PDZD2: variants seen among roughly 807,000 people sequenced by gnomAD.
The protein encoded by PDZD2 is PDZ domain-containing protein 2.
Under a neutral mutation model 220.7 loss-of-function variants are expected in PDZD2, and 90 were observed. The ratio of observed to expected loss-of-function variants is 0.41; its 90% CI spans 0.34 to 0.49. The LOEUF is 0.49. Among genes scored for constraint, PDZD2 ranks in the 20% least tolerant of loss-of-function variants. The pLI is 0.28. For missense variants in PDZD2, 3,174 were observed against 3,608.5 expected (o/e 0.88, Z 3.08); for synonymous variants, 1,375 against 1,450.5 (o/e 0.95, Z 1.18).
chr5:31,685,068 C>G (rs1281581004), intron 1 of PDZD2, among the ~76,000 whole-genome samples: 1 of 152,122 alleles, frequency 6.6e-6, no homozygotes, highest in Non-Finnish European at 1.5e-5. Flanking sequence ...TGCACCATTG[C>G]CCTCTCTGTT....
intron 6 of PDZD2, among the ~76,000 whole-genome samples, chr5:32,024,914 TA>T (rs1279133554): frequency 6.6e-6 from 1 of 152,162 alleles, no homozygotes; most frequent in Non-Finnish European, 1.5e-5. Context: ...TGTGTTCCAG[TA>T]AAACTTGACA....
intron 2 of PDZD2, among the ~76,000 whole-genome samples, chr5:31,830,518 C>G (rs1256251195): frequency 6.6e-6 from 1 of 151,730 alleles, no homozygotes; most frequent in Non-Finnish European, 1.5e-5. Flanking sequence ...TTTTAATATT[C>G]AACTTTTAAA....
At chr5:31,947,442 C>T (rs1334321749) in intron 2 of PDZD2, among the ~76,000 whole-genome samples, 1 of 152,214 alleles carries the variant, frequency 6.6e-6, no homozygotes, top group Non-Finnish European at 1.5e-5. Flanking sequence ...CCCGCCTCTT[C>T]AGTAAACCAT....
rs535926683 is a variant in PDZD2, at chr5:31,908,617, A to G, written c.477-74538A>G. The G allele has an allele frequency of 5.0e-5, 52 of 1,030,388 alleles. No homozygotes were observed. The African/African-American group carries it at 8.4e-4, about 17-fold the overall frequency. The allele number at this position is 1,030,388 out of a possible 1,614,324, so 63.8% of individuals were successfully genotyped here. Reference sequence around the variant, plus strand: ...AACTAGCTTCACCAGAGAAGCCTACAAGAAATACATCAAAGGTTACGTGAT... The same window carrying G: ...AACTAGCTTCACCAGAGAAGCCTACGAGAAATACATCAAAGGTTACGTGAT... On this transcript the variant is annotated intron_variant, in intron 2 of 24. Coordinates refer to ENST00000438447, the MANE Select transcript of PDZD2 (RefSeq NM_178140.4).
chr5:31,815,845 G>T (rs527973925), intron 2 of PDZD2, among the ~76,000 whole-genome samples: 1 of 151,974 alleles, frequency 6.6e-6, no homozygotes, highest in Admixed American at 6.6e-5. Context: ...TTTAGGTAAG[G>T]TTACAAAAAT....
chr5:32,057,995 A>G lies in PDZD2; in HGVS notation c.2092A>G (p.Ser698Gly), dbSNP rs760625164. ...SRSASPNFNT[S>G]GGASAGGSDE... ...ATCCGCCTCCCCGAACTTCAATACC[A>G]GTGGGGGAGCCTCAGCGGGAGGTTC... Residue 698 changes from serine (S) to glycine (G), a missense_variant, in exon 12 of 25, where the codon AGT (serine) becomes GGT (glycine). By Grantham distance (56) the Ser-to-Gly change is moderately conservative (BLOSUM62 0). Around this residue, in one of 4 missense-constraint regions of PDZD2, gnomAD observed 1,861 missense variants for 2,001.0 expected, o/e 0.93. Coordinates refer to ENST00000438447, the MANE Select transcript of PDZD2 (RefSeq NM_178140.4). 4.3e-6 allele frequency: 7 copies of G among 1,613,054 alleles called. No individual in the cohort carries two copies. The South Asian group carries it at 7.7e-5, about 18-fold the overall frequency.
chr5:31,783,057 A>AAAGTTGGTTTAAACTTTATTTTAGATG (rs1394744367), intron 1 of PDZD2, among the ~76,000 whole-genome samples: 2 of 152,162 alleles, frequency 1.3e-5, no homozygotes, highest in African/African-American at 4.8e-5. Context: ...ACTTTTATTT[A>AAAGTTGGTTTAAACTTTATTTTAGATG]AAGTTGGTTT....
chr5:32,089,941 G>T lies in PDZD2; in HGVS notation c.6493G>T (p.Ala2165Ser). 5 of 1,608,926 alleles carry T rather than the reference G, an allele frequency of 3.1e-6. No individual in the cohort carries two copies. Among genetic ancestry groups the T allele is most frequent in the Non-Finnish European group, 4.2e-6 (5 of 1,177,460 alleles). Reference sequence around the variant, plus strand: ...GGAAATGTCACGATCATTCAGCATGGCAAAACTGGCGTCCTCCTCCTCCTC... The same window carrying T: ...GGAAATGTCACGATCATTCAGCATGTCAAAACTGGCGTCCTCCTCCTCCTC... ...EQEMSRSFSM[A>S]KLASSSSSLQ... The change falls in exon 20 of 25, where the codon GCA (alanine) becomes TCA (serine). Residue 2165 changes from alanine to serine, a missense_variant. Coordinates refer to ENST00000438447, the MANE Select transcript of PDZD2 (RefSeq NM_178140.4).
At chr5:31,752,380 C>G (rs2150178872) in intron 1 of PDZD2, among the ~76,000 whole-genome samples, 1 of 152,126 alleles carries the variant, frequency 6.6e-6, no homozygotes. Context: ...GAAATCCCAT[C>G]TCTACTAAAA....
chr5:31,775,124 A>G (rs1020453599), intron 1 of PDZD2, among the ~76,000 whole-genome samples: 1 of 152,210 alleles, frequency 6.6e-6, no homozygotes, highest in Non-Finnish European at 1.5e-5. Context: ...CTCACGCTAT[A>G]GTACAAACGT....
In PDZD2 at chr5:32,083,050, T is replaced by C. The variant is rs928928307; in HGVS notation, c.3683-4081T>C. 6.6e-6 allele frequency among the ~76,000 whole-genome samples: 1 copy of C among 152,164 alleles called. No homozygotes were observed. Among genetic ancestry groups the C allele is most frequent in the Non-Finnish European group, 1.5e-5 (1 of 68,018 alleles). The stretch of plus-strand genomic sequence containing the variant: ...TTCTAGAAACTTAAGAAATTACAAT[T>C]GAGAGGGAAGTTTTGAAAGATAGCA... On this transcript the variant is annotated intron_variant, in intron 19 of 24. Coordinates refer to ENST00000438447, the MANE Select transcript of PDZD2 (RefSeq NM_178140.4). This position sits in a 1 kb window ranked among gnomAD's most constrained non-coding sequence, Gnocchi z 4.1.
intron 1 of PDZD2, among the ~76,000 whole-genome samples, chr5:31,657,868 T>G (rs1329156795): frequency 6.6e-6 from 1 of 152,168 alleles, no homozygotes; most frequent in Non-Finnish European, 1.5e-5. Context: ...GTAGAAGAGA[T>G]GTACAGGAAA....
intron 5 of PDZD2, among the ~76,000 whole-genome samples, chr5:32,002,725 A>AAC (rs1363958553): frequency 1.0e-5 from 1 of 97,686 alleles, no homozygotes. Context: ...CCCACACACC[A>AAC]ACACACACAC....
chr5:31,879,082 G>T (rs572639505), intron 2 of PDZD2, among the ~76,000 whole-genome samples: 217 of 151,852 alleles, frequency 1.4e-3, no homozygotes, highest in Non-Finnish European at 2.2e-3. Context: ...TGCTTAAATG[G>T]ATGTTAAGAA....
chr5:31,878,261 G>A (rs552063692), intron 2 of PDZD2, among the ~76,000 whole-genome samples: 5 of 152,134 alleles, frequency 3.3e-5, no homozygotes, highest in Non-Finnish European at 7.3e-5. Context: ...TCATCCACTG[G>A]AGATGCCCTC....
At chr5:31,996,342 C>T (rs1751632489) in intron 4 of PDZD2, among the ~76,000 whole-genome samples, 2 of 152,170 alleles carry the variant, frequency 1.3e-5, no homozygotes, top group Non-Finnish European at 2.9e-5. Flanking sequence ...CTTTGGGAGG[C>T]CAAAGCAGGA....
intron 2 of PDZD2, among the ~76,000 whole-genome samples, chr5:31,901,726 AC>A (rs1742122938): frequency 6.6e-6 from 1 of 152,090 alleles, no homozygotes; most frequent in Non-Finnish European, 1.5e-5. Flanking sequence ...CATTTTAATC[AC>A]CCCTAAAAGA....
chr5:31,688,084 G>A (rs984554157), intron 1 of PDZD2, among the ~76,000 whole-genome samples: 4 of 152,104 alleles, frequency 2.6e-5, no homozygotes, highest in Admixed American at 1.3e-4. Flanking sequence ...ACTGTGTTAC[G>A]TAACATATCC....
At chr5:32,058,213 C>A in intron 12 of PDZD2, 110 bp downstream of exon 12, 1 of 672,744 alleles carries the variant, frequency 1.5e-6, no homozygotes, top group South Asian at 1.8e-5. Context: ...TTGGTACAAT[C>A]TTCTATCAAC....
Sources: allele counts gnomAD v4.1 joint callset (sites outside exome capture counted in the v4.1 genomes callset), GRCh38; gene constraint gnomAD v4.1.1; regional missense constraint gnomAD v4.1.1; non-coding constraint Gnocchi (gnomAD v3.1); transcripts MANE v1.5; gene names NCBI Gene and HGNC (gene_info 2026-07-23, HGNC 2026-07-21).